Variants in MIR17HG observed in about 807,000 individuals in gnomAD.
The protein encoded by MIR17HG is MIR17 host gene (non-protein coding).
chr13:91,353,527 C>T (rs1036219509), intron 3 of MIR17HG, among the ~76,000 whole-genome samples: 7 of 152,230 alleles, frequency 4.6e-5, no homozygotes, highest in Admixed American at 2.0e-4. Flanking sequence ...TTAAGATTTT[C>T]TTAGGCATGC....
intron 3 of MIR17HG, chr13:91,351,031 G>A (rs1362517332): frequency 3.8e-6 from 2 of 527,474 alleles, no homozygotes; most frequent in Non-Finnish European, 7.9e-6. Flanking sequence ...TGTCGATGTA[G>A]AATCTGCCTG....
At chr13:91,348,614 G>T (rs1239982036) in intron 1 of MIR17HG, among the ~76,000 whole-genome samples, 1 of 151,032 alleles carries the variant, frequency 6.6e-6, no homozygotes, top group Non-Finnish European at 1.5e-5. Flanking sequence ...GTTAGCCCGC[G>T]TGGGCAGCCT....
At chr13:91,351,956 TTATAAGCTA>T (rs1875339893) in intron 3 of MIR17HG, 1 of 153,732 alleles carries the variant, frequency 6.5e-6, no homozygotes, top group Non-Finnish European at 1.4e-5. Flanking sequence ...TGTCAGTGAT[TTATAAGCTA>T]TAAATGACCA....
intron 3 of MIR17HG, among the ~76,000 whole-genome samples, chr13:91,352,784 TTTAG>T: frequency 6.6e-6 from 1 of 152,286 alleles, no homozygotes; most frequent in Non-Finnish European, 1.5e-5. Flanking sequence ...TTTTTGGTTA[TTTAG>T]TGACAAACGT....
intron 3 of MIR17HG, chr13:91,353,918 A>G (rs915248958): frequency 2.6e-5 from 4 of 152,520 alleles, no homozygotes; most frequent in South Asian, 2.1e-4. Context: ...AACTTTTGAG[A>G]TCTTCATTTT....
chr13:91,349,037 G>T (rs1281174153), intron 1 of MIR17HG, among the ~76,000 whole-genome samples: 1 of 151,528 alleles, frequency 6.6e-6, no homozygotes, highest in Non-Finnish European at 1.5e-5. Flanking sequence ...TGGGGGGGTT[G>T]CCGCGTCCGG....
exon 2 of MIR17HG, chr13:91,349,738 A>C (rs1176655732): frequency 6.6e-6 from 1 of 152,186 alleles, no homozygotes; most frequent in Non-Finnish European, 1.5e-5. Context: ...CTTTTCTGAG[A>C]ATACTTGCTG....
chr13:91,350,452 A>G (rs763958526), intron 3 of MIR17HG: 1 of 383,650 alleles, frequency 2.6e-6, no homozygotes, highest in Non-Finnish European at 5.2e-6. Flanking sequence ...TATCTTTGAG[A>G]TAATTAAACT....
chr13:91,349,774 AGT>A (rs755045995), intron 2 of MIR17HG: 5 of 152,296 alleles, frequency 3.3e-5, no homozygotes, highest in African/African-American at 4.8e-5. Context: ...GGAATGGGTA[AGT>A]GTATTCTGAT....
At chr13:91,351,468 A>T in intron 3 of MIR17HG, 2 of 440,174 alleles carry the variant, frequency 4.5e-6, no homozygotes, top group South Asian at 3.4e-5. Context: ...TGTACAAGAT[A>T]CATGAAATAT....
At chr13:91,348,416 C>A (rs1387582087) in intron 1 of MIR17HG, among the ~76,000 whole-genome samples, 1 of 150,100 alleles carries the variant, frequency 6.7e-6, no homozygotes, top group African/African-American at 2.4e-5. Flanking sequence ...AACAAAGCGG[C>A]GGCGGCGGCG....
chr13:91,350,896 C>T, intron 3 of MIR17HG: 2 of 534,670 alleles, frequency 3.7e-6, no homozygotes, highest in South Asian at 2.8e-5. Context: ...TGTTTGCAGT[C>T]CTCTGTTAGT....
chr13:91,354,095 A>G (rs1029562262), exon 4 of MIR17HG: 8 of 152,518 alleles, frequency 5.2e-5, no homozygotes, highest in South Asian at 2.1e-4. Context: ...ACAGTTTTGC[A>G]TAGTTTGTCT....
chr13:91,352,288 T>C (rs1432578123), intron 3 of MIR17HG: 1 of 152,198 alleles, frequency 6.6e-6, no homozygotes, highest in Non-Finnish European at 1.5e-5. Flanking sequence ...CTTCTCTCTT[T>C]TCTTCATGTG....
At chr13:91,348,561 G>C (rs546979327) in intron 1 of MIR17HG, among the ~76,000 whole-genome samples, 1 of 151,264 alleles carries the variant, frequency 6.6e-6, no homozygotes, top group Non-Finnish European at 1.5e-5. Context: ...GGGGCGCCGA[G>C]ATCGGCGCGG....
chr13:91,351,928 C>T (rs368089243), intron 3 of MIR17HG: 1 of 153,576 alleles, frequency 6.5e-6, no homozygotes, highest in East Asian at 1.9e-4. Flanking sequence ...TGCTTGTATA[C>T]TAGTTTTTCT....
chr13:91,350,579 C>T (rs755630848), intron 3 of MIR17HG: 2 of 533,648 alleles, frequency 3.7e-6, no homozygotes, highest in Admixed American at 1.9e-5. Context: ...GAGAACATCA[C>T]CTTGTAAAAC....
intron 1 of MIR17HG, among the ~76,000 whole-genome samples, chr13:91,348,865 TCGGGCCGCGTGCGACGGGCACCGCGGCCG>T (rs1254247472): frequency 2.0e-5 from 3 of 148,506 alleles, no homozygotes; most frequent in Non-Finnish European, 3.0e-5. Context: ...GGCTTAGGCC[TCGGGCCGCGTGCGACGGGCACCGCGGCCG>T]CGGAGCCCCC....
chr13:91,350,360 TC>T (rs1407519587), intron 3 of MIR17HG: 2 of 304,560 alleles, frequency 6.6e-6, no homozygotes, highest in Non-Finnish European at 6.5e-6. Context: ...AGCCACCACT[TC>T]CAGTGCTAGT....
Sources: allele counts gnomAD v4.1 joint callset (sites outside exome capture counted in the v4.1 genomes callset), GRCh38; gene constraint gnomAD v4.1.1; transcripts MANE v1.5; gene names NCBI Gene and HGNC (gene_info 2026-07-23, HGNC 2026-07-21).